The following APBA1 variants were observed in gnomAD, a reference collection of about 807,000 sequenced individuals.
APBA1 encodes amyloid-beta A4 precursor protein-binding family A member 1.
APBA1 carries 55 observed loss-of-function variants against 86.6 expected under a neutral mutation model. That is an observed-to-expected ratio of 0.64 (90% CI 0.51 to 0.80). The LOEUF (loss-of-function observed/expected upper bound fraction) is 0.80. APBA1 is among the 30% of genes least tolerant of loss of function. APBA1 has a pLI of 0.00. For synonymous variants in APBA1, 511 were observed against 493.9 expected (o/e 1.03, Z -0.46); for missense variants, 1,090 against 1,183.0 (o/e 0.92, Z 1.15).
At position 69,499,201 on chromosome 9, in the gene APBA1, A is replaced by T. The variant is rs144967411; in HGVS notation, c.1200+16810T>A. Among the ~76,000 whole-genome samples, 151 of 152,218 alleles carry T rather than the reference A, an allele frequency of 9.9e-4. 2 individuals are homozygous for T. The highest frequency in any genetic ancestry group is 3.5e-3 in the African/African-American group (144 of 41,536). ...AGGTAAGGGAAAATCGGAGATAAGG[A>T]TGCCTGGAGTTTTCTTCCTCTTAAC... On this transcript the variant is annotated intron_variant, in intron 2 of 12. Coordinates refer to ENST00000265381, the MANE Select transcript of APBA1 (RefSeq NM_001163.4).
At chr9:69,442,716 T>C (rs1277476604) in intron 10 of APBA1, among the ~76,000 whole-genome samples, 1 of 152,228 alleles carries the variant, frequency 6.6e-6, no homozygotes, top group Non-Finnish European at 1.5e-5. Flanking sequence ...CGTCTGCCTC[T>C]TATTCTATAA....
chr9:69,642,262 A>G (rs1823302011), intron 1 of APBA1, among the ~76,000 whole-genome samples: 1 of 152,190 alleles, frequency 6.6e-6, no homozygotes, highest in Non-Finnish European at 1.5e-5. Flanking sequence ...AACCCTTACA[A>G]CTCAATAAGA....
Position 69,578,697 on chromosome 9 carries a change from G to A in APBA1, c.-69-61418C>T, listed in dbSNP as rs370714209. ...GATGTGGCAGATTTTACAGGAGTGG[G>A]GAGCCCCCTCCCCTGGCCACCAACT... On this transcript the variant is annotated intron_variant, in intron 1 of 12. Coordinates refer to ENST00000265381, the MANE Select transcript of APBA1 (RefSeq NM_001163.4). Among the ~76,000 whole-genome samples, 229 of 152,272 alleles carry A rather than the reference G, an allele frequency of 1.5e-3. 1 individual carries two copies. In the Middle Eastern group the frequency reaches 0.048, roughly 32 times the overall value.
chr9:69,557,761 T>C (rs1479211354), intron 1 of APBA1, among the ~76,000 whole-genome samples: 2 of 152,234 alleles, frequency 1.3e-5, no homozygotes, highest in South Asian at 2.1e-4. Flanking sequence ...CATTCTCTCC[T>C]GTTTGCCACA....
At chr9:69,472,431 A>G (rs988598551) in intron 3 of APBA1, 6 of 152,232 alleles carry the variant, frequency 3.9e-5, no homozygotes, top group African/African-American at 1.4e-4. Flanking sequence ...TCAGAAGCAG[A>G]TGTCCTAGAT....
At chr9:69,637,411 G>A (rs1371491102) in intron 1 of APBA1, among the ~76,000 whole-genome samples, 2 of 152,172 alleles carry the variant, frequency 1.3e-5, no homozygotes, top group African/African-American at 2.4e-5. Flanking sequence ...CATGCCTGAG[G>A]TGATGGATAG....
intron 2 of APBA1, among the ~76,000 whole-genome samples, chr9:69,494,080 C>T (rs1299177455): frequency 1.3e-5 from 2 of 151,974 alleles, no homozygotes; most frequent in Non-Finnish European, 2.9e-5. Flanking sequence ...ATTATCAAAG[C>T]ACATTTGTAT....
chr9:69,612,054 T>C lies in APBA1; in HGVS notation c.-70+60099A>G, dbSNP rs74717393. On this transcript the variant is annotated intron_variant, in intron 1 of 12. Coordinates refer to ENST00000265381, the MANE Select transcript of APBA1 (RefSeq NM_001163.4). ...TGTGTCTCTATATATTTTAAGGTCA[T>C]ACAACTATAAATCCAACCTAAAAAC... 7.5e-3 allele frequency among the ~76,000 whole-genome samples: 1,135 copies of C among 152,254 alleles called. 12 individuals carry two copies. Among genetic ancestry groups the C allele is most frequent in the African/African-American group, 0.026 (1,072 of 41,568 alleles).
chr9:69,518,766 G>T (rs1013387883), intron 1 of APBA1, among the ~76,000 whole-genome samples: 1 of 152,016 alleles, frequency 6.6e-6, no homozygotes, highest in African/African-American at 2.4e-5. Flanking sequence ...AACCCCAGGA[G>T]GACCAGGGAC....
At chr9:69,454,837 C>CTCTT (rs1213784604) in intron 8 of APBA1, among the ~76,000 whole-genome samples, 2 of 150,116 alleles carry the variant, frequency 1.3e-5, no homozygotes, top group Non-Finnish European at 2.9e-5. Flanking sequence ...CAAATTTTCA[C>CTCTT]TCTTTTGGAA....
At chr9:69,598,381 T>C (rs1822276779) in intron 1 of APBA1, among the ~76,000 whole-genome samples, 1 of 151,784 alleles carries the variant, frequency 6.6e-6, no homozygotes, top group Non-Finnish European at 1.5e-5. Flanking sequence ...CATGTATACA[T>C]ATGTAACTAA....
At chr9:69,446,600 G>A (rs1834912477) in intron 10 of APBA1, among the ~76,000 whole-genome samples, 1 of 152,204 alleles carries the variant, frequency 6.6e-6, no homozygotes, top group Non-Finnish European at 1.5e-5. Context: ...TTGATGCTGT[G>A]GCAGCTGCAG....
intron 5 of APBA1, among the ~76,000 whole-genome samples, chr9:69,465,872 C>T (rs748619827): frequency 2.9e-4 from 44 of 152,178 alleles, no homozygotes; most frequent in Non-Finnish European, 5.6e-4. Context: ...AGCAGGGCCT[C>T]TGAGGCACAG....
chr9:69,460,160 C>T (rs540721788), intron 5 of APBA1, among the ~76,000 whole-genome samples: 1 of 152,316 alleles, frequency 6.6e-6, no homozygotes, highest in East Asian at 1.9e-4. Flanking sequence ...GATAAGTCAG[C>T]CATCCAGACA....
chr9:69,486,260 A>T (rs1259541102), intron 2 of APBA1, among the ~76,000 whole-genome samples: 5 of 152,008 alleles, frequency 3.3e-5, no homozygotes, highest in African/African-American at 1.2e-4. Context: ...CCTCATTTTA[A>T]TTCTGACTGA....
chr9:69,534,962 T>C (rs1836486697), intron 1 of APBA1, among the ~76,000 whole-genome samples: 1 of 152,194 alleles, frequency 6.6e-6, no homozygotes, highest in Non-Finnish European at 1.5e-5. Context: ...ATAATTAGTA[T>C]ATTGACTTCT....
chr9:69,658,286 C>CTTTCTT (rs770180947), intron 1 of APBA1, among the ~76,000 whole-genome samples: 3,880 of 73,718 alleles, frequency 0.053, 304 homozygotes, highest in Non-Finnish European at 0.066. Context: ...CTTTCTTTCT[C>CTTTCTT]TCTCTCTTTC....
intron 2 of APBA1, among the ~76,000 whole-genome samples, chr9:69,482,981 A>AG (rs1259190165): frequency 3.1e-5 from 2 of 64,714 alleles, no homozygotes; most frequent in Non-Finnish European, 5.6e-5. Flanking sequence ...GGGTGGGGGG[A>AG]GGGGGGAGGG....
At chr9:69,588,822 T>G (rs1308790513) in intron 1 of APBA1, among the ~76,000 whole-genome samples, 1 of 152,190 alleles carries the variant, frequency 6.6e-6, no homozygotes, top group Non-Finnish European at 1.5e-5. Flanking sequence ...AATTTACAGA[T>G]GAAATTGAAG....
Sources: gnomAD v4.1 joint callset for allele counts (sites outside exome capture counted in the v4.1 genomes callset) on GRCh38, gnomAD v4.1.1 for gene constraint, MANE v1.5 for transcripts, NCBI Gene and HGNC (gene_info 2026-07-23, HGNC 2026-07-21) for gene names.